STAM2: variants seen among roughly 807,000 people sequenced by gnomAD.
STAM2 encodes the protein signal transducing adaptor molecule 2.
A neutral mutation model predicts 65.6 loss-of-function variants in STAM2; 51 were observed. The ratio of observed to expected loss-of-function variants is 0.78; its 90% confidence interval spans 0.62 to 0.98. The LOEUF is 0.98. STAM2 is among the 50% of genes least tolerant of loss of function. STAM2 has a pLI of 0.00. For missense variants in STAM2, 584 were observed against 617.8 expected (o/e 0.95, Z 0.58); for synonymous variants, 198 against 208.4 (o/e 0.95, Z 0.43).
At chr2:152,162,893 C>T (rs1689710884) in intron 1 of STAM2, among the ~76,000 whole-genome samples, 1 of 151,962 alleles carries the variant, frequency 6.6e-6, no homozygotes, top group African/African-American at 2.4e-5. Flanking sequence ...CTCCTGACCT[C>T]AGGTGATCTG....
chr2:152,147,191 C>G lies in STAM2; in HGVS notation c.418G>C (p.Gly140Arg), dbSNP rs1438131350. 1 of 1,608,092 alleles carries G rather than the reference C, an allele frequency of 6.2e-7. No homozygotes were observed. The highest frequency in any genetic ancestry group is 8.5e-7 in the Non-Finnish European group (1 of 1,178,110). The change falls in exon 5 of 14, where the codon GGA (glycine) becomes CGA (arginine). Residue 140 changes from glycine (G) to arginine (R), a missense_variant. Gly to Arg is a moderately radical substitution (Grantham distance 125). Transcript: ENST00000263904. Reference protein sequence around the residue: ...SATIKSMKEEGITFPPAGSQT... With the variant: ...SATIKSMKEERITFPPAGSQT... ...GAACCTGCTGGAGGAAAAGTAATTC[C>G]TTCTTCTTTCATAGATTTAATAGTT...
At chr2:152,169,911 T>C (rs1029247276) in intron 1 of STAM2, among the ~76,000 whole-genome samples, 1 of 151,058 alleles carries the variant, frequency 6.6e-6, no homozygotes, top group African/African-American at 2.4e-5. Flanking sequence ...TGGAGTGCAG[T>C]GGCACAATCT....
At chr2:152,156,790 C>A (rs10178907) in intron 1 of STAM2, among the ~76,000 whole-genome samples, 65,998 of 151,838 alleles carry the variant, frequency 0.43, 15,987 homozygotes, top group East Asian at 0.84. Flanking sequence ...CAGTAATAAA[C>A]AACTTAACTA....
At chr2:152,132,985 T>C (rs889076513) in intron 10 of STAM2, among the ~76,000 whole-genome samples, 188 bp downstream of exon 10, 2 of 152,150 alleles carry the variant, frequency 1.3e-5, no homozygotes, top group African/African-American at 4.8e-5. Context: ...ACTTGCTTTA[T>C]GAAAAGGATT....
chr2:152,133,326 T>C (rs1050908998), intron 9 of STAM2, 66 bp from the exon 10 acceptor site: 22 of 1,541,596 alleles, frequency 1.4e-5, no homozygotes, highest in Non-Finnish European at 2.0e-5. Flanking sequence ...ATGAAATTAC[T>C]CTTTCCAAGC....
chr2:152,175,055 G>A (rs1288783242), intron 1 of STAM2, among the ~76,000 whole-genome samples: 2 of 152,156 alleles, frequency 1.3e-5, no homozygotes. Context: ...GGGATGAAGA[G>A]CAACACCTTT....
chr2:152,140,136 A>G (rs1398301601), intron 7 of STAM2, among the ~76,000 whole-genome samples: 1 of 152,204 alleles, frequency 6.6e-6, no homozygotes, highest in African/African-American at 2.4e-5. Context: ...CTATAGCTCA[A>G]AGAAGAGAAC....
At chr2:152,152,561 C>A (rs1387925645) in intron 1 of STAM2, among the ~76,000 whole-genome samples, 4 of 148,012 alleles carry the variant, frequency 2.7e-5, no homozygotes, top group African/African-American at 5.0e-5. Flanking sequence ...AAAAAAACAA[C>A]AAAAAAAAAA....
chr2:152,159,435 G>A (rs907992095), intron 1 of STAM2, among the ~76,000 whole-genome samples: 2 of 152,086 alleles, frequency 1.3e-5, no homozygotes, highest in African/African-American at 4.8e-5. Context: ...ACTAAAGATA[G>A]AAACATTCTT....
chr2:152,142,266 C>T (rs927376277), intron 7 of STAM2, among the ~76,000 whole-genome samples: 3 of 152,140 alleles, frequency 2.0e-5, no homozygotes, highest in Non-Finnish European at 4.4e-5. Context: ...TAAATCTTAA[C>T]TGAAAATTGT....
rs1688767771 is a variant in STAM2 at position 152,117,424 on chromosome 2, G to T, written c.*3150C>A. On this transcript the variant is annotated 3_prime_UTR_variant, in exon 14 of 14. Coordinates refer to ENST00000263904, the MANE Select transcript of STAM2 (RefSeq NM_005843.6). ...TACTCCTATCTCAGGCTCCCAAAGT[G>T]CTGGGATTATAGGCATGAGCCACTG... 1 of 152,134 alleles carries T rather than the reference G, an allele frequency of 6.6e-6. No individual in the cohort carries two copies. The highest frequency in any genetic ancestry group is 2.1e-4 in the South Asian group (1 of 4,830). The allele number at this position is 152,134 out of a possible 1,614,324, so 9.4% of individuals were successfully genotyped here.
rs1690008714 is a variant in STAM2 at position 152,175,717 on chromosome 2, G to C, written c.-75C>G. On this transcript the variant is annotated 5_prime_UTR_variant, in exon 1 of 14. Coordinates refer to ENST00000263904, the MANE Select transcript of STAM2 (RefSeq NM_005843.6). ...ACTGCTACCCGCCGGGTGACCCGCGGCCGCGGCTCCCTAGACCGCTCCGCT... is the reference window on the plus strand; with the variant it reads ...ACTGCTACCCGCCGGGTGACCCGCGCCCGCGGCTCCCTAGACCGCTCCGCT... 2.6e-6 allele frequency: 4 copies of C among 1,525,592 alleles called. No individual in the cohort carries two copies. In the South Asian group the frequency reaches 4.7e-5, roughly 18 times the overall value. The allele number at this position is 1,525,592 out of a possible 1,614,324, so 94.5% of individuals were successfully genotyped here. A position where few individuals can be genotyped will look rare whatever the true frequency, so the allele number is the denominator to read the frequency against.
rs746163578 is a variant in STAM2, at chr2:152,133,172, C to T, written c.970+1G>A. ...AATAATATAAAATATTCACTAAGTA[C>T]CTTCTAAATCCAAAAGGTCTTGGGA... On this transcript the variant is annotated splice_donor_variant, in intron 10 of 13. Transcript: ENST00000263904. LOFTEE classifies it high-confidence loss of function. The T allele has an allele frequency of 1.1e-5, 17 of 1,486,028 alleles. No individual in the cohort carries two copies. The highest frequency in any genetic ancestry group is 1.4e-5 in the Non-Finnish European group (15 of 1,108,716). The allele number at this position is 1,486,028 out of a possible 1,614,324, so 92.1% of individuals were successfully genotyped here. A position where few individuals can be genotyped will look rare whatever the true frequency, so the allele number is the denominator to read the frequency against.
At chr2:152,172,540 G>A (rs1399229432) in intron 1 of STAM2, among the ~76,000 whole-genome samples, 2 of 152,032 alleles carry the variant, frequency 1.3e-5, no homozygotes, top group Non-Finnish European at 2.9e-5. Flanking sequence ...TTAGCAAAAG[G>A]TGGTTACTTC....
chr2:152,145,656 G>GAC (rs1458375865), intron 5 of STAM2, among the ~76,000 whole-genome samples: 5 of 152,224 alleles, frequency 3.3e-5, no homozygotes, highest in African/African-American at 1.2e-4. Context: ...AAGAAGTCAT[G>GAC]ATCATCACTG....
At chr2:152,175,392 C>T (rs1403375745) in intron 1 of STAM2, among the ~76,000 whole-genome samples, 1 of 152,194 alleles carries the variant, frequency 6.6e-6, no homozygotes, top group East Asian at 1.9e-4. Flanking sequence ...GGTCCCCAAA[C>T]TCAGGCGGCA....
chr2:152,144,956 G>A lies in STAM2; in HGVS notation c.449C>T (p.Thr150Ile). The A allele has an allele frequency of 6.2e-7, 1 of 1,612,180 alleles. No homozygotes were observed. The highest frequency in any genetic ancestry group is 1.1e-5 in the South Asian group (1 of 90,980). Reference sequence around the variant, plus strand: ...ACCATTCTTGGCAGCAGCTGAGACAGTCTGTAAATGTATGAGTAAAATGAA... The same window carrying A: ...ACCATTCTTGGCAGCAGCTGAGACAATCTGTAAATGTATGAGTAAAATGAA... Reference protein sequence around the residue: ...GITFPPAGSQTVSAAAKNGTS... With the variant: ...GITFPPAGSQIVSAAAKNGTS... Residue 150 changes from threonine (T) to isoleucine (I), a missense_variant and splice_region_variant, in exon 6 of 14, where the codon ACT becomes ATT. Coordinates refer to ENST00000263904, the MANE Select transcript of STAM2 (RefSeq NM_005843.6).
At chr2:152,160,583 C>T (rs543580486) in intron 1 of STAM2, among the ~76,000 whole-genome samples, 14 of 151,368 alleles carry the variant, frequency 9.2e-5, no homozygotes, top group Admixed American at 2.6e-4. Context: ...CCAGGCCAGC[C>T]GCTCCGTCCA....
Position 152,118,638 on chromosome 2 carries a change from G to GA in STAM2, c.*1935dup, listed in dbSNP as rs937995898. 4 of 151,466 alleles carry GA rather than the reference G, an allele frequency of 2.6e-5. No individual in the cohort carries two copies. Among genetic ancestry groups the GA allele is most frequent in the East Asian group, 1.9e-4 (1 of 5,176 alleles). 9.4% of individuals were successfully genotyped at this position (151,466 alleles called of 1,614,324 possible). On this transcript the variant is annotated 3_prime_UTR_variant, in exon 14 of 14. Coordinates refer to ENST00000263904, the MANE Select transcript of STAM2 (RefSeq NM_005843.6). ...TAAGTTTATTAAATAGAGTTTGGGA[G>GA]AAAAAAAGTAAGAAATTCCATATAT...
Sources: gnomAD v4.1 joint callset for allele counts (sites outside exome capture counted in the v4.1 genomes callset) on GRCh38, gnomAD v4.1.1 for gene constraint, MANE v1.5 for transcripts, NCBI Gene and HGNC (gene_info 2026-07-23, HGNC 2026-07-21) for gene names.